Variants in GCNT2 observed in about 807,000 individuals in gnomAD.
GCNT2 encodes the protein glucosaminyl (N-acetyl) transferase 2 (I blood group).
A neutral mutation model predicts 34.2 loss-of-function variants in GCNT2; 34 were observed. The observed-to-expected ratio is 1.00, with a 90% confidence interval of 0.76 to 1.32. GCNT2 has a LOEUF of 1.32. Ranked by LOEUF, GCNT2 falls within the 40% of genes most tolerant of loss-of-function variation. The probability of loss-of-function intolerance (pLI) is 0.00; values close to 1 mark genes in which losing one functional copy is unlikely to be tolerated. For synonymous variants in GCNT2, 212 were observed against 188.0 expected (o/e 1.13, Z -1.04); for missense variants, 584 against 489.4 (o/e 1.19, Z -1.82).
chr6:10,555,276 ATTAG>A (rs755646034), intron 3 of GCNT2, among the ~76,000 whole-genome samples: 47 of 152,324 alleles, frequency 3.1e-4, no homozygotes, highest in Middle Eastern at 6.8e-3. Flanking sequence ...TTCATTAAAA[ATTAG>A]TTGGTGGGAA....
chr6:10,567,417 A>G (rs1763332264), intron 3 of GCNT2, among the ~76,000 whole-genome samples: 2 of 152,224 alleles, frequency 1.3e-5, no homozygotes, highest in South Asian at 4.1e-4. Flanking sequence ...GGATGGCGCC[A>G]CTGCATTCCA....
rs557587929 is a variant in GCNT2 at position 10,608,041 on chromosome 6, A to G, written c.926-13310A>G. 4.6e-5 allele frequency among the ~76,000 whole-genome samples: 7 copies of G among 151,780 alleles called. No homozygotes were observed. The East Asian group carries it at 5.8e-4, about 13-fold the overall frequency. On this transcript the variant is annotated intron_variant, in intron 3 of 4. Transcript: ENST00000495262. Reference sequence around the variant, plus strand: ...AATAACTTCCTTGAGACAGATTCCAATAGATTGAAATGCTGAGTCAAATGG... The same window carrying G: ...AATAACTTCCTTGAGACAGATTCCAGTAGATTGAAATGCTGAGTCAAATGG...
At chr6:10,533,162 C>T (rs1581367064) in intron 3 of GCNT2, among the ~76,000 whole-genome samples, 4 of 151,560 alleles carry the variant, frequency 2.6e-5, no homozygotes, top group East Asian at 2.0e-4. Context: ...AAAAATTAGC[C>T]GGGTGTGGTG....
At chr6:10,607,813 A>G (rs1198722738) in intron 3 of GCNT2, among the ~76,000 whole-genome samples, 9 of 152,202 alleles carry the variant, frequency 5.9e-5, no homozygotes, top group East Asian at 3.8e-4. Flanking sequence ...TAAGTATATT[A>G]TGTACTTCAC....
chr6:10,534,814 A>G (rs773285983), intron 3 of GCNT2, among the ~76,000 whole-genome samples: 34 of 152,290 alleles, frequency 2.2e-4, no homozygotes, highest in African/African-American at 8.2e-4. Flanking sequence ...GTGAGCTGCA[A>G]TAGCACCACT....
At chr6:10,546,606 C>T (rs1019542478) in intron 3 of GCNT2, among the ~76,000 whole-genome samples, 1 of 152,096 alleles carries the variant, frequency 6.6e-6, no homozygotes, top group African/African-American at 2.4e-5. Flanking sequence ...TTGCAGTGAG[C>T]CAAGATCTCG....
chr6:10,581,514 C>T (rs1224622125), intron 3 of GCNT2, among the ~76,000 whole-genome samples: 1 of 152,152 alleles, frequency 6.6e-6, no homozygotes, highest in African/African-American at 2.4e-5. Flanking sequence ...AGGTGATCTG[C>T]CCTCCTTGGC....
intron 3 of GCNT2, chr6:10,556,587 A>C: frequency 6.2e-7 from 1 of 1,614,220 alleles, no homozygotes. Context: ...ATCAATGGAA[A>C]AACACGTTTC....
chr6:10,606,876 C>T (rs1765344315), intron 3 of GCNT2, among the ~76,000 whole-genome samples: 1 of 151,876 alleles, frequency 6.6e-6, no homozygotes, highest in Admixed American at 6.6e-5. Flanking sequence ...AACCAGCTCT[C>T]CTCATGTATT....
chr6:10,590,559 A>ATT lies in GCNT2; in HGVS notation c.926-30780_926-30779dup, dbSNP rs200587850. 3.4e-3 allele frequency among the ~76,000 whole-genome samples: 488 copies of ATT among 142,922 alleles called. 2 individuals carry two copies. Among genetic ancestry groups the ATT allele is most frequent in the Middle Eastern group, 7.4e-3 (2 of 272 alleles). 93.8% of individuals were successfully genotyped at this position (142,922 alleles called of 152,430 possible). A position where few individuals can be genotyped will look rare whatever the true frequency, so the allele number is the denominator to read the frequency against. ...CCCCACACTTCTGCAATTTTCACCT[A>ATT]TTTTTTTTTTTTTGAGATGGAGTCT... On this transcript the variant is annotated intron_variant, in intron 3 of 4. Transcript: ENST00000495262.
At chr6:10,593,202 A>G (rs1764721591) in intron 3 of GCNT2, among the ~76,000 whole-genome samples, 1 of 152,238 alleles carries the variant, frequency 6.6e-6, no homozygotes, top group African/African-American at 2.4e-5. Flanking sequence ...CTGAACATGA[A>G]TTTAATTCTA....
chr6:10,552,303 A>G (rs1163672486), intron 3 of GCNT2, among the ~76,000 whole-genome samples: 1 of 149,526 alleles, frequency 6.7e-6, no homozygotes, highest in Admixed American at 6.6e-5. Context: ...ATCATGTTAA[A>G]AAAAAAAAAA....
chr6:10,626,680 T>C lies in GCNT2; in HGVS notation c.*73T>C. The C allele has an allele frequency of 8.7e-7, 1 of 1,150,296 alleles. No individual in the cohort carries two copies. The highest frequency in any genetic ancestry group is 1.3e-6 in the Non-Finnish European group (1 of 763,958). 71.3% of individuals were successfully genotyped at this position (1,150,296 alleles called of 1,614,324 possible). ...AGGAGCCTGTTTTTGTGAGAGACTT[T>C]TGCCTTCGTAATGTTAACCGTTTCA... On this transcript the variant is annotated 3_prime_UTR_variant, in exon 5 of 5. Transcript: ENST00000495262.
intron 3 of GCNT2, chr6:10,556,800 T>C (rs373471539): frequency 7.5e-5 from 121 of 1,614,168 alleles, no homozygotes; most frequent in Non-Finnish European, 1.0e-4. Context: ...TGTGTTCATG[T>C]GGATGAAAAA....
chr6:10,533,163 G>A (rs1019145518), intron 3 of GCNT2, among the ~76,000 whole-genome samples: 20 of 151,508 alleles, frequency 1.3e-4, no homozygotes, highest in African/African-American at 3.1e-4. Context: ...AAAATTAGCC[G>A]GGTGTGGTGG....
intron 3 of GCNT2, among the ~76,000 whole-genome samples, chr6:10,606,310 T>G (rs1765309558): frequency 6.6e-6 from 1 of 152,054 alleles, no homozygotes; most frequent in Non-Finnish European, 1.5e-5. Context: ...GTGAGGCTCC[T>G]TCTTGTCAGG....
chr6:10,608,073 CTTT>C (rs576372819), intron 3 of GCNT2, among the ~76,000 whole-genome samples: 2 of 124,744 alleles, frequency 1.6e-5, no homozygotes, highest in East Asian at 2.2e-4. Context: ...ATGGTATGCA[CTTT>C]TTTTTTTTTT....
intron 3 of GCNT2, 191 bp downstream of exon 3, chr6:10,530,027 T>A: frequency 1.7e-6 from 1 of 584,006 alleles, no homozygotes; most frequent in Non-Finnish European, 3.0e-6. Context: ...TGTGAACCGC[T>A]CTGTTCACAG....
At chr6:10,623,090 G>A (rs954683134) in intron 4 of GCNT2, among the ~76,000 whole-genome samples, 1 of 151,844 alleles carries the variant, frequency 6.6e-6, no homozygotes, top group East Asian at 1.9e-4. Context: ...TGTTTCAGGT[G>A]AAAATCTCCA....
Sources: gnomAD v4.1 joint callset for allele counts (sites outside exome capture counted in the v4.1 genomes callset) on GRCh38, gnomAD v4.1.1 for gene constraint, MANE v1.5 for transcripts, NCBI Gene and HGNC (gene_info 2026-07-23, HGNC 2026-07-21) for gene names.